The following ZNF429 variants were observed in gnomAD, a reference collection of about 807,000 sequenced individuals.
ZNF429 encodes the protein zinc finger protein 429.
A neutral mutation model predicts 56.8 loss-of-function variants in ZNF429; 53 were observed. The ratio of observed to expected loss-of-function variants is 0.93; its 90% confidence interval spans 0.75 to 1.17. The LOEUF is 1.17. ZNF429 is among the 50% of genes most tolerant of loss of function. The pLI is 0.00. For missense variants in ZNF429, 849 were observed against 788.4 expected (o/e 1.08, Z -0.92); for synonymous variants, 278 against 264.7 (o/e 1.05, Z -0.49).
intron 1 of ZNF429, among the ~76,000 whole-genome samples, chr19:21,517,666 A>G (rs373220650): frequency 0.081 from 8,730 of 107,902 alleles, no homozygotes; most frequent in Admixed American, 0.098. Flanking sequence ...GGGAGAATGT[A>G]TTTGCCCAGA....
rs1464209100 is a variant in ZNF429, at chr19:21,540,185, T to C, written c.*2107T>C. On this transcript the variant is annotated 3_prime_UTR_variant, in exon 4 of 4. Transcript: ENST00000358491. Reference sequence around the variant, plus strand: ...TTTATTTGTTACCATGTTAAGACTATTGTGCATTTAATGAAGCATTATTAT... The same window carrying C: ...TTTATTTGTTACCATGTTAAGACTACTGTGCATTTAATGAAGCATTATTAT... 1.3e-5 allele frequency among the ~76,000 whole-genome samples: 2 copies of C among 152,198 alleles called. No individual in the cohort carries two copies. Among genetic ancestry groups the C allele is most frequent in the Admixed American group, 6.5e-5 (1 of 15,268 alleles).
intron 3 of ZNF429, among the ~76,000 whole-genome samples, chr19:21,531,145 C>T: frequency 1.7e-5 from 2 of 117,064 alleles, no homozygotes; most frequent in Admixed American, 1.8e-4. Context: ...AAAAAAAAAA[C>T]ACCCGTCTTG....
chr19:21,535,296 C>CGTCT, intron 3 of ZNF429, among the ~76,000 whole-genome samples: 1 of 82,548 alleles, frequency 1.2e-5, no homozygotes, highest in African/African-American at 5.5e-5. Flanking sequence ...CATTTCTTTC[C>CGTCT]TTCTTTCTTT....
rs1353653224 is a variant in ZNF429 at position 21,538,941 on chromosome 19, A to G, written c.*863A>G. The stretch of plus-strand genomic sequence containing the variant: ...TATAGTGCATTTACTTGTATCACAG[A>G]TCTTGTTGTACACATTTTATACTAG... On this transcript the variant is annotated 3_prime_UTR_variant, in exon 4 of 4. Transcript: ENST00000358491. Among the ~76,000 whole-genome samples the G allele has an allele frequency of 6.6e-6, 1 of 152,168 alleles. No homozygotes were observed. Among genetic ancestry groups the G allele is most frequent in the Non-Finnish European group, 1.5e-5 (1 of 68,032 alleles).
chr19:21,515,063 C>T (rs549299513), intron 1 of ZNF429, among the ~76,000 whole-genome samples: 4 of 152,072 alleles, frequency 2.6e-5, no homozygotes, highest in Non-Finnish European at 5.9e-5. Flanking sequence ...GCCTCAGCCT[C>T]CCAAGTAGCT....
chr19:21,519,767 T>C (rs746756967), intron 1 of ZNF429, among the ~76,000 whole-genome samples: 1 of 152,184 alleles, frequency 6.6e-6, no homozygotes, highest in Non-Finnish European at 1.5e-5. Flanking sequence ...CACAGTGATC[T>C]AAGTGTCTGC....
chr19:21,537,782 T>C lies in ZNF429; in HGVS notation c.1729T>C (p.Ser577Pro), dbSNP rs537755021. Residue 577 changes from serine (S) to proline (P), a missense_variant, in exon 4 of 4, where the codon TCC becomes CCC. Physicochemically the swap from Ser to Pro is moderately conservative, Grantham distance 74. Coordinates refer to ENST00000358491, the MANE Select transcript of ZNF429 (RefSeq NM_001001415.4). ...CKQCDKAFTH[S>P]SNLSSHKKIH... Reference sequence around the variant, plus strand: ...ACAATGTGACAAAGCTTTTACCCACTCCTCAAACCTTAGTAGTCATAAGAA... The same window carrying C: ...ACAATGTGACAAAGCTTTTACCCACCCCTCAAACCTTAGTAGTCATAAGAA... 543 of 1,613,246 alleles carry C rather than the reference T, an allele frequency of 3.4e-4. No homozygotes were observed. The highest frequency in any genetic ancestry group is 5.0e-4 in the Middle Eastern group (3 of 6,060).
intron 1 of ZNF429, among the ~76,000 whole-genome samples, chr19:21,514,008 CA>C (rs1376471706): frequency 1.3e-5 from 2 of 152,184 alleles, no homozygotes; most frequent in Non-Finnish European, 2.9e-5. Context: ...CTCCCAGACA[CA>C]ATCTGCAACA....
Position 21,505,685 on chromosome 19 carries a change from C to A in ZNF429, c.-87C>A. 1.4e-6 allele frequency: 2 copies of A among 1,460,786 alleles called. No individual in the cohort carries two copies. The highest frequency in any genetic ancestry group is 9.4e-7 in the Non-Finnish European group (1 of 1,059,434). The allele number at this position is 1,460,786 out of a possible 1,614,324, so 90.5% of individuals were successfully genotyped here. A position where few individuals can be genotyped will look rare whatever the true frequency, so the allele number is the denominator to read the frequency against. ...CGTCTTCATTTCTGTGTCCTTTGTT[C>A]TTAGAGGCCCAGCCTGTGTGGCCCT... On this transcript the variant is annotated 5_prime_UTR_variant, in exon 1 of 4. Transcript: ENST00000358491.
chr19:21,511,366 G>A (rs143037538), intron 1 of ZNF429, among the ~76,000 whole-genome samples: 29,332 of 150,400 alleles, frequency 0.2, 2,911 homozygotes, highest in Middle Eastern at 0.22. Flanking sequence ...CAGACTGGGC[G>A]GCCGGGCAGA....
In ZNF429 at chr19:21,512,249, A is replaced by G. The variant is rs149950229; in HGVS notation, c.3+6475A>G. Among the ~76,000 whole-genome samples, 549 of 152,240 alleles carry G rather than the reference A, an allele frequency of 3.6e-3. 2 individuals carry two copies. The highest frequency in any genetic ancestry group is 0.012 in the African/African-American group (514 of 41,532). ...TGATGGGAGTGTGGCAGTGAGGACA[A>G]TCAGAGGTTACTCTCAGGGCCATCT... On this transcript the variant is annotated intron_variant, in intron 1 of 3. Transcript: ENST00000358491.
intron 1 of ZNF429, among the ~76,000 whole-genome samples, chr19:21,527,351 C>T (rs1328182584): frequency 6.6e-6 from 1 of 152,104 alleles, no homozygotes; most frequent in African/African-American, 2.4e-5. Flanking sequence ...ATTCCACAGC[C>T]AATTTACAAA....
Position 21,505,634 on chromosome 19 carries a change from C to G in ZNF429, c.-138C>G, listed in dbSNP as rs1254141957. 1.2e-6 allele frequency: 1 copy of G among 858,604 alleles called. No individual in the cohort carries two copies. The highest frequency in any genetic ancestry group is 1.7e-6 in the Non-Finnish European group (1 of 579,638). 53.2% of individuals were successfully genotyped at this position (858,604 alleles called of 1,614,324 possible). ...CCGGAATATGGCGGGGCGTTTGGCT[C>G]TTGCTGCAGCCAGAGCTCCAGGTCT... On this transcript the variant is annotated 5_prime_UTR_variant, in exon 1 of 4. Transcript: ENST00000358491.
Position 21,537,130 on chromosome 19 carries a change from TA to T in ZNF429, c.1079del (p.Lys360ArgfsTer2). 6.2e-7 allele frequency: 1 copy of T among 1,613,640 alleles called. No homozygotes were observed. On this transcript the variant is annotated frameshift_variant, in exon 4 of 4. Coordinates refer to ENST00000358491, the MANE Select transcript of ZNF429 (RefSeq NM_001001415.4). LOFTEE classifies it high-confidence loss of function. The stretch of plus-strand genomic sequence containing the variant: ...ACTGGTCTTCAACTCTTACTAAACA[TA>T]AGGTAATTCATACTGGAGAGAAGCC... ...FNWSSTLTKH[K>X]VIHTGEKPYK...
Position 21,538,313 on chromosome 19 carries a change from A to G in ZNF429, c.*235A>G, listed in dbSNP as rs904739152. On this transcript the variant is annotated 3_prime_UTR_variant, in exon 4 of 4. Transcript: ENST00000358491. ...AAAAAAAAAAAAGAAAAGAAAATTC[A>G]TAGGCCAGGTATGGTGGCTCATGCC... Among the ~76,000 whole-genome samples, 2 of 142,026 alleles carry G rather than the reference A, an allele frequency of 1.4e-5. No homozygotes were observed. The highest frequency in any genetic ancestry group is 5.3e-5 in the African/African-American group (2 of 38,062). 93.2% of individuals were successfully genotyped at this position (142,026 alleles called of 152,430 possible). A position where few individuals can be genotyped will look rare whatever the true frequency, so the allele number is the denominator to read the frequency against.
chr19:21,505,642 A>T lies in ZNF429; in HGVS notation c.-130A>T. The T allele has an allele frequency of 1.0e-6, 1 of 959,912 alleles. No individual in the cohort carries two copies. The highest frequency in any genetic ancestry group is 1.7e-5 in the South Asian group (1 of 59,872). The allele number at this position is 959,912 out of a possible 1,614,324, so 59.5% of individuals were successfully genotyped here. Reference sequence around the variant, plus strand: ...TGGCGGGGCGTTTGGCTCTTGCTGCAGCCAGAGCTCCAGGTCTCGTCTTCA... The same window carrying T: ...TGGCGGGGCGTTTGGCTCTTGCTGCTGCCAGAGCTCCAGGTCTCGTCTTCA... On this transcript the variant is annotated 5_prime_UTR_variant, in exon 1 of 4. Coordinates refer to ENST00000358491, the MANE Select transcript of ZNF429 (RefSeq NM_001001415.4).
At position 21,536,325 on chromosome 19, in the gene ZNF429, T is replaced by TA; in HGVS notation, c.276dup (p.Asp93ArgfsTer12). 1.2e-6 allele frequency: 2 copies of TA among 1,607,972 alleles called. No homozygotes were observed. Among genetic ancestry groups the TA allele is most frequent in the Non-Finnish European group, 1.7e-6 (2 of 1,177,964 alleles). On this transcript the variant is annotated frameshift_variant, in exon 4 of 4. Coordinates refer to ENST00000358491, the MANE Select transcript of ZNF429 (RefSeq NM_001001415.4). LOFTEE classifies it high-confidence loss of function. The stretch of plus-strand genomic sequence containing the variant: ...GAAGACTTTTGGCCAGAGCAAGACA[T>TA]AAAAGATTCTTTCCAAAAAGTGACA...
chr19:21,535,680 A>C, intron 3 of ZNF429, among the ~76,000 whole-genome samples: 1 of 151,308 alleles, frequency 6.6e-6, no homozygotes, highest in East Asian at 1.9e-4. Context: ...ACGCCCAGCT[A>C]ATTTTTTGTA....
rs1302899621 is a variant in ZNF429, at chr19:21,537,669, G to A, written c.1616G>A (p.Cys539Tyr). 1 of 1,613,552 alleles carries A rather than the reference G, an allele frequency of 6.2e-7. No individual in the cohort carries two copies. Among genetic ancestry groups the A allele is most frequent in the African/African-American group, 1.3e-5 (1 of 74,950 alleles). ...CATACTGGAGAGAAACCTTACAAAT[G>A]TGAAGAATGTGGCAAAGCTTTTAAC... ...KIHTGEKPYKCEECGKAFNRS... is the reference protein window; with the variant it reads ...KIHTGEKPYKYEECGKAFNRS... Residue 539 changes from cysteine (C) to tyrosine (Y), a missense_variant, in exon 4 of 4, where the codon TGT becomes TAT. By Grantham distance (194) the Cys-to-Tyr change is radical (BLOSUM62 -2). Transcript: ENST00000358491.
Sources: allele counts gnomAD v4.1 joint callset (sites outside exome capture counted in the v4.1 genomes callset), GRCh38; gene constraint gnomAD v4.1.1; transcripts MANE v1.5; gene names NCBI Gene and HGNC (gene_info 2026-07-23, HGNC 2026-07-21).